The following SLMAP variants were observed in gnomAD, a reference collection of about 807,000 sequenced individuals.
SLMAP encodes the protein sarcolemma associated protein.
SLMAP carries 44 observed loss-of-function variants against 128.8 expected under a neutral mutation model. The observed-to-expected ratio is 0.34, with a 90% CI of 0.27 to 0.44. SLMAP has a LOEUF of 0.44. SLMAP is among the 20% of genes least tolerant of loss of function. The pLI is 1.00. For synonymous variants in SLMAP, 327 were observed against 348.8 expected, an observed-to-expected ratio of 0.94 and a Z score of 0.70; for missense variants, 787 against 985.3, an observed-to-expected ratio of 0.80 and a Z score of 2.69.
chr3:57,822,630 A>G (rs1019168432), intron 2 of SLMAP, among the ~76,000 whole-genome samples: 1 of 152,202 alleles, frequency 6.6e-6, no homozygotes, highest in Non-Finnish European at 1.5e-5. Context: ...TGTAGCAGCC[A>G]GGTGATGGTT....
chr3:57,846,825 C>G (rs2153573624), intron 4 of SLMAP, among the ~76,000 whole-genome samples: 1 of 152,212 alleles, frequency 6.6e-6, no homozygotes, highest in African/African-American at 2.4e-5. Context: ...TCCCAAAGTG[C>G]TGGAATTACA....
chr3:57,862,191 G>C (rs563077285), intron 10 of SLMAP, 105 bp downstream of exon 10: 9 of 866,090 alleles, frequency 1.0e-5, no homozygotes, highest in Non-Finnish European at 1.4e-5. Flanking sequence ...GGTGGCGGGC[G>C]CCTGTAATCC....
At chr3:57,850,045 G>T (rs554989530) in intron 6 of SLMAP, among the ~76,000 whole-genome samples, 1 of 151,972 alleles carries the variant, frequency 6.6e-6, no homozygotes, top group Non-Finnish European at 1.5e-5. Context: ...GTGTGATGGC[G>T]TGCATCTGTA....
intron 23 of SLMAP, among the ~76,000 whole-genome samples, chr3:57,924,138 G>A (rs1350181969): frequency 6.6e-6 from 1 of 152,050 alleles, no homozygotes; most frequent in Non-Finnish European, 1.5e-5. Flanking sequence ...TAATCAGAAT[G>A]GATCTCCCCA....
chr3:57,891,981 G>A (rs2096085530), intron 15 of SLMAP, among the ~76,000 whole-genome samples: 1 of 151,986 alleles, frequency 6.6e-6, no homozygotes, highest in Non-Finnish European at 1.5e-5. Context: ...ATTAATAAGG[G>A]TATTTATTAA....
chr3:57,794,546 A>C (rs1047164431), intron 2 of SLMAP, among the ~76,000 whole-genome samples: 1 of 152,172 alleles, frequency 6.6e-6, no homozygotes, highest in Non-Finnish European at 1.5e-5. Flanking sequence ...GAACATTTTC[A>C]TCACTCCCAA....
At position 57,786,963 on chromosome 3, in the gene SLMAP, C is replaced by T. The variant is rs773477161; in HGVS notation, c.198+29114C>T. On this transcript the variant is annotated intron_variant, in intron 2 of 24. Transcript: ENST00000671191. ...ATGTTAGCCAGGATGATCTCGATCG[C>T]CTGACCTTGTGATCCGCCCGCCTCG... is the stretch of plus-strand genomic sequence containing the variant. Among the ~76,000 whole-genome samples the T allele has an allele frequency of 3.8e-4, 58 of 152,190 alleles. 1 individual carries two copies. Among genetic ancestry groups the T allele is most frequent in the South Asian group, 1.5e-3 (7 of 4,820 alleles).
chr3:57,774,518 T>TATG (rs1231468999), intron 2 of SLMAP, among the ~76,000 whole-genome samples: 1 of 149,378 alleles, frequency 6.7e-6, no homozygotes, highest in Non-Finnish European at 1.5e-5. Context: ...CAATTATTAT[T>TATG]ATTATTATTA....
At position 57,912,672 on chromosome 3, in the gene SLMAP, A is replaced by G. The variant is rs35029175; in HGVS notation, c.1991A>G (p.Gln664Arg). 1.1e-3 allele frequency: 1,824 copies of G among 1,612,582 alleles called. 2 individuals are homozygous for G. Among genetic ancestry groups the G allele is most frequent in the Non-Finnish European group, 1.5e-3 (1,775 of 1,178,764 alleles). ...FQLRCQQCED[Q>R]QREEATRLQG... ...CTTAGATGTCAACAGTGTGAGGACC[A>G]GCAGAGAGAAGAAGCAACAAGGTTG... Residue 664 changes from glutamine (Q) to arginine (R), a missense_variant, in exon 20 of 25, where the codon CAG (glutamine) becomes CGG (arginine). Transcript: ENST00000671191.
At position 57,864,546 on chromosome 3, in the gene SLMAP, A is replaced by G; in HGVS notation, c.967-2A>G. 6.4e-7 allele frequency: 1 copy of G among 1,560,320 alleles called. No homozygotes were observed. The highest frequency in any genetic ancestry group is 8.6e-7 in the Non-Finnish European group (1 of 1,161,806). On this transcript the variant is annotated splice_acceptor_variant, in intron 10 of 24. Coordinates refer to ENST00000671191, the MANE Select transcript of SLMAP (RefSeq NM_001377540.1). LOFTEE classifies it high-confidence loss of function. ...AATAACTGAATTTTCTTATTTTTCTAGGTAGCAGAGGGAAAACAAGAGGAA... is the reference window on the plus strand; with the variant it reads ...AATAACTGAATTTTCTTATTTTTCTGGGTAGCAGAGGGAAAACAAGAGGAA...
intron 2 of SLMAP, among the ~76,000 whole-genome samples, chr3:57,761,805 T>G (rs1002305601): frequency 6.9e-6 from 1 of 145,648 alleles, no homozygotes; most frequent in African/African-American, 2.5e-5. Context: ...CCCAGCACTT[T>G]GGGAGGCCGA....
In SLMAP at chr3:57,848,888, T is replaced by C. The variant is rs186696557; in HGVS notation, c.457-866T>C. ...CCATGCCCTGCTAATTTTACGTTTT[T>C]AGTAGAGACGGGGTTTCTCCATGTC... On this transcript the variant is annotated intron_variant, in intron 5 of 24. Transcript: ENST00000671191. Among the ~76,000 whole-genome samples, 4 of 152,172 alleles carry C rather than the reference T, an allele frequency of 2.6e-5. No homozygotes were observed. In the East Asian group the frequency reaches 7.7e-4, roughly 29 times the overall value.
At chr3:57,836,327 A>G (rs1017574575) in intron 3 of SLMAP, among the ~76,000 whole-genome samples, 12 of 152,118 alleles carry the variant, frequency 7.9e-5, no homozygotes, top group African/African-American at 2.7e-4. Flanking sequence ...GTATTTATAT[A>G]AACTAATTTG....
At chr3:57,794,706 G>A (rs534721794) in intron 2 of SLMAP, among the ~76,000 whole-genome samples, 3 of 152,152 alleles carry the variant, frequency 2.0e-5, no homozygotes, top group Non-Finnish European at 4.4e-5. Flanking sequence ...TTTTGTGTCT[G>A]GCTTCTTTCA....
intron 14 of SLMAP, among the ~76,000 whole-genome samples, chr3:57,879,238 A>T (rs1318970141): frequency 1.3e-5 from 2 of 152,234 alleles, no homozygotes; most frequent in African/African-American, 4.8e-5. Context: ...TGGTTAGTAC[A>T]TAATTTATTT....
At chr3:57,833,329 A>G (rs144919449) in intron 3 of SLMAP, among the ~76,000 whole-genome samples, 3 of 152,290 alleles carry the variant, frequency 2.0e-5, no homozygotes, top group East Asian at 1.9e-4. Flanking sequence ...GTGAGGGTCT[A>G]TCTGTGAGGG....
At chr3:57,840,026 G>A (rs2093849554) in intron 3 of SLMAP, among the ~76,000 whole-genome samples, 1 of 152,024 alleles carries the variant, frequency 6.6e-6, no homozygotes, top group Admixed American at 6.6e-5. Context: ...TTGCCATGTT[G>A]GCCAGTCTGG....
chr3:57,893,840 T>TAG (rs1340184607), intron 15 of SLMAP, among the ~76,000 whole-genome samples: 10 of 152,174 alleles, frequency 6.6e-5, no homozygotes, highest in Non-Finnish European at 1.3e-4. Context: ...GGTCACAGAT[T>TAG]AGATTCCCAT....
chr3:57,878,147 T>C (rs2095648448), intron 14 of SLMAP, among the ~76,000 whole-genome samples: 1 of 152,042 alleles, frequency 6.6e-6, no homozygotes, highest in African/African-American at 2.4e-5. Flanking sequence ...CCGGCCTCCT[T>C]CTTAAATTTT....
Sources: gnomAD v4.1 joint callset for allele counts (sites outside exome capture counted in the v4.1 genomes callset) on GRCh38, gnomAD v4.1.1 for gene constraint, MANE v1.5 for transcripts, NCBI Gene and HGNC (gene_info 2026-07-23, HGNC 2026-07-21) for gene names.